SRGAP3: variants seen among roughly 807,000 people sequenced by gnomAD.
The protein encoded by SRGAP3 is SLIT-ROBO Rho GTPase-activating protein 3.
Under a neutral mutation model 121.1 loss-of-function variants are expected in SRGAP3, and 39 were observed. The ratio of observed to expected loss-of-function variants is 0.32; its 90% CI spans 0.25 to 0.42. The LOEUF is 0.42. SRGAP3 is among the 10% of genes least tolerant of loss of function. The pLI is 1.00. For missense variants in SRGAP3, 1,213 were observed against 1,470.6 expected (o/e 0.82, Z 2.86); for synonymous variants, 601 against 570.0 (o/e 1.05, Z -0.77).
intron 1 of SRGAP3, among the ~76,000 whole-genome samples, chr3:9,224,772 G>A (rs993659827): frequency 6.6e-6 from 1 of 152,186 alleles, no homozygotes; most frequent in South Asian, 2.1e-4. Flanking sequence ...CAGAACAGCA[G>A]GGCATCTCCT....
intron 18 of SRGAP3, among the ~76,000 whole-genome samples, chr3:9,001,823 A>C (rs1055581600): frequency 6.6e-6 from 1 of 152,186 alleles, no homozygotes; most frequent in Non-Finnish European, 1.5e-5. Context: ...GATAAATGGC[A>C]GCATTTCATA....
At chr3:9,303,754 G>A (rs760473341) in intron 3 of SRGAP3, among the ~76,000 whole-genome samples, 29 of 152,296 alleles carry the variant, frequency 1.9e-4, no homozygotes, top group Admixed American at 1.0e-3. Context: ...AATAACATTT[G>A]GAAGGCGATT....
At chr3:9,103,804 T>C (rs1948309409) in intron 3 of SRGAP3, among the ~76,000 whole-genome samples, 1 of 152,240 alleles carries the variant, frequency 6.6e-6, no homozygotes, top group Admixed American at 6.5e-5. Context: ...ACCTTGTACA[T>C]GCCAGGCACT....
chr3:8,994,237 A>C, intron 19 of SRGAP3, 106 bp downstream of exon 19: 1 of 1,427,664 alleles, frequency 7.0e-7, no homozygotes, highest in Non-Finnish European at 9.8e-7. Flanking sequence ...TATGATATCA[A>C]GGAGAGCAAA....
chr3:9,155,751 C>T (rs545491298), intron 1 of SRGAP3, among the ~76,000 whole-genome samples: 4 of 152,076 alleles, frequency 2.6e-5, no homozygotes, highest in African/African-American at 4.8e-5. Flanking sequence ...TTTTTATATC[C>T]GGTGTTCTTG....
chr3:9,184,163 C>T (rs1575203643), intron 1 of SRGAP3, among the ~76,000 whole-genome samples: 1 of 152,208 alleles, frequency 6.6e-6, no homozygotes, highest in Non-Finnish European at 1.5e-5. Context: ...CCTCGACTTC[C>T]TCCCATTTCA....
chr3:9,270,848 T>TG (rs1244208899), intron 3 of SRGAP3, among the ~76,000 whole-genome samples: 1 of 152,188 alleles, frequency 6.6e-6, no homozygotes, highest in Non-Finnish European at 1.5e-5. Flanking sequence ...CTTCTGGTAC[T>TG]GTTCTGTGCT....
intron 18 of SRGAP3, among the ~76,000 whole-genome samples, chr3:8,995,994 G>C (rs1014372920): frequency 1.3e-5 from 2 of 152,054 alleles, no homozygotes; most frequent in Non-Finnish European, 2.9e-5. Context: ...CGTCTTCATC[G>C]ATCTATTCAT....
intron 1 of SRGAP3, among the ~76,000 whole-genome samples, chr3:9,168,526 T>G: frequency 6.6e-6 from 1 of 152,206 alleles, no homozygotes; most frequent in East Asian, 1.9e-4. Flanking sequence ...ATCCTTTGTT[T>G]CCATTCACCT....
At chr3:9,257,724 T>TGA (rs1954163419) in intron 3 of SRGAP3, among the ~76,000 whole-genome samples, 1 of 134,544 alleles carries the variant, frequency 7.4e-6, no homozygotes, top group Admixed American at 7.5e-5. Context: ...TTTTTTTTTT[T>TGA]GAGACAGTCT....
intron 3 of SRGAP3, chr3:9,081,295 C>A (rs1317092220): frequency 2.2e-6 from 1 of 456,668 alleles, no homozygotes; most frequent in South Asian, 1.5e-5. Flanking sequence ...TCCACACTCT[C>A]AAGATGTCTC....
In SRGAP3 at chr3:9,340,850, T is replaced by C. The variant is rs146070134; in HGVS notation, n.215-10254A>G. 3.6e-3 allele frequency among the ~76,000 whole-genome samples: 542 copies of C among 152,302 alleles called. 2 individuals carry two copies. The highest frequency in any genetic ancestry group is 0.012 in the African/African-American group (512 of 41,578). ...CTATTAGAAGAGACAATGGGGCCACTAAAAGAAAATCACCGTGAATGAAGG... is the reference window on the plus strand; with the variant it reads ...CTATTAGAAGAGACAATGGGGCCACCAAAAGAAAATCACCGTGAATGAAGG... On this transcript the variant is annotated intron_variant and non_coding_transcript_variant, in intron 1 of 3. Coordinates refer to the SRGAP3 transcript ENST00000490889.
intron 10 of SRGAP3, among the ~76,000 whole-genome samples, chr3:9,046,764 A>G (rs1248106149): frequency 6.6e-6 from 1 of 151,926 alleles, no homozygotes; most frequent in Non-Finnish European, 1.5e-5. Flanking sequence ...ATGCCCCTCT[A>G]TCACTTTGCC....
chr3:9,232,885 A>T (rs1437924219), intron 1 of SRGAP3, among the ~76,000 whole-genome samples: 3 of 152,208 alleles, frequency 2.0e-5, no homozygotes, highest in Non-Finnish European at 4.4e-5. Flanking sequence ...ACAGGCAAAG[A>T]AAGTGTCATG....
chr3:9,008,445 G>C (rs1221284217), intron 18 of SRGAP3: 1 of 149,226 alleles, frequency 6.7e-6, no homozygotes, highest in East Asian at 1.9e-4. Context: ...AGGAGTAGGA[G>C]AGAGAGAGAG....
intron 3 of SRGAP3, among the ~76,000 whole-genome samples, chr3:9,286,983 AC>A (rs1954787511): frequency 1.1e-5 from 1 of 87,690 alleles, no homozygotes; most frequent in South Asian, 3.8e-4. Flanking sequence ...ACACACTGAC[AC>A]TCTTTTTTTT....
At chr3:9,123,405 T>TATATATATATATATAC (rs1949095774) in intron 2 of SRGAP3, among the ~76,000 whole-genome samples, 1 of 1,752 alleles carries the variant, frequency 5.7e-4, no homozygotes, top group Admixed American at 0.019. Context: ...ACAATACACA[T>TATATATATATATATAC]ACATACACAT....
At chr3:9,021,511 A>G (rs1943919811) in intron 14 of SRGAP3, among the ~76,000 whole-genome samples, 1 of 152,194 alleles carries the variant, frequency 6.6e-6, no homozygotes, top group Non-Finnish European at 1.5e-5. Context: ...GACAACAACA[A>G]AAAGAATTCC....
chr3:9,293,625 T>C (rs1448905393), intron 3 of SRGAP3, among the ~76,000 whole-genome samples: 2 of 151,836 alleles, frequency 1.3e-5, no homozygotes, highest in Non-Finnish European at 1.5e-5. Flanking sequence ...ATAAGGAACG[T>C]AACAAATTTA....
Sources: allele counts gnomAD v4.1 joint callset (sites outside exome capture counted in the v4.1 genomes callset), GRCh38; gene constraint gnomAD v4.1.1; transcripts MANE v1.5; gene names NCBI Gene and HGNC (gene_info 2026-07-23, HGNC 2026-07-21).